Variants in KLK11 observed in about 807,000 individuals in gnomAD.
The protein encoded by KLK11 is kallikrein-11.
In KLK11, 10 loss-of-function variants were observed where a neutral mutation model predicts 23.4. The ratio of observed to expected loss-of-function variants is 0.43; its 90% CI spans 0.26 to 0.73. The LOEUF (loss-of-function observed/expected upper bound fraction) is 0.73. Among genes scored for constraint, KLK11 ranks in the 30% least tolerant of loss-of-function variants. The probability of loss-of-function intolerance (pLI) is 0.22; values close to 1 mark genes in which losing one functional copy is unlikely to be tolerated. For synonymous variants in KLK11, 131 were observed against 131.7 expected, an observed-to-expected ratio of 0.99 and a Z score of 0.03; for missense variants, 285 against 327.8, an observed-to-expected ratio of 0.87 and a Z score of 1.01.
In KLK11 at chr19:51,025,355, C is replaced by T. The variant is rs1239572925; in HGVS notation, c.40+237G>A. Among the ~76,000 whole-genome samples, 1 of 152,166 alleles carries T rather than the reference C, an allele frequency of 6.6e-6. No individual in the cohort carries two copies. The highest frequency in any genetic ancestry group is 1.5e-5 in the Non-Finnish European group (1 of 68,022). On this transcript the variant is annotated intron_variant, in intron 2 of 5. Coordinates refer to ENST00000453757, the MANE Select transcript of KLK11 (RefSeq NM_001136032.3). This position sits in a 1 kb window ranked among gnomAD's most constrained non-coding sequence, Gnocchi z 6.2. ...CTTTGAGTGACTGCTCCCCCAACTC[C>T]AGCTTCCTCAGCCCCTCCACGGGAC... is the stretch of plus-strand genomic sequence containing the variant.
upstream of KLK11, chr19:51,027,384 G>C (rs143406762): frequency 1.3e-6 from 2 of 1,486,800 alleles, no homozygotes; most frequent in Admixed American, 1.7e-5. Context: ...CTGGGGCCTC[G>C]CTCCTCTGCT....
chr19:51,023,177 T>C lies in KLK11; in HGVS notation c.515A>G (p.Gln172Arg). The change falls in exon 5 of 6, where the codon CAG becomes CGG. Residue 172 changes from glutamine to arginine, a missense_variant. Transcript: ENST00000453757. ...RCANITIIEH[Q>R]KCENAYPGNI... ...GCCGGGGTAGGCGTTCTCACACTTC[T>C]GGTGCTCAATGATGGTGATGTTGGC... is the stretch of plus-strand genomic sequence containing the variant. The C allele has an allele frequency of 6.2e-7, 1 of 1,613,804 alleles. No homozygotes were observed. The highest frequency in any genetic ancestry group is 1.1e-5 in the South Asian group (1 of 90,976).
intron 5 of KLK11, 100 bp from the exon 6 acceptor site, chr19:51,022,797 G>C: frequency 7.7e-7 from 1 of 1,304,864 alleles, no homozygotes; most frequent in Non-Finnish European, 1.1e-6. Flanking sequence ...GCCGAGACAG[G>C]ATGGGTAGGC....
rs529407010 is a variant in KLK11 at position 51,024,154 on chromosome 19, C to T, written c.354G>A (p.Ser118=). The part of the protein sequence containing the change: ...RNDIMLVKMA[S]PVSITWAVRP... ...GCACAGCCCAGGTGATGGAGACTGGCGATGCCATCTTCACCAGCATGATGT... is the reference window on the plus strand; with the variant it reads ...GCACAGCCCAGGTGATGGAGACTGGTGATGCCATCTTCACCAGCATGATGT... The change falls in exon 4 of 6, where the codon TCG becomes TCA. Residue 118 remains serine, a synonymous_variant. Coordinates refer to ENST00000453757, the MANE Select transcript of KLK11 (RefSeq NM_001136032.3). The surrounding 1 kb of genome is among the most constrained non-coding windows in gnomAD (Gnocchi z 6.2). The T allele has an allele frequency of 3.0e-5, 48 of 1,613,000 alleles. No individual in the cohort carries two copies. The highest frequency in any genetic ancestry group is 2.4e-4 in the South Asian group (22 of 90,926).
Position 51,023,851 on chromosome 19 carries a change from T to C in KLK11, c.463+194A>G, listed in dbSNP as rs568586811. On this transcript the variant is annotated intron_variant, in intron 4 of 5. Transcript: ENST00000453757. ...CAACCAGGAGGTTATGGATGTATGA[T>C]TGCATATCCCGTCCGTCTGACTCCA... The C allele has an allele frequency of 2.0e-5, 10 of 501,224 alleles. No individual in the cohort carries two copies. The East Asian group carries it at 3.1e-4, about 16-fold the overall frequency. 31.0% of individuals were successfully genotyped at this position (501,224 alleles called of 1,614,324 possible). A position where few individuals can be genotyped will look rare whatever the true frequency, so the allele number is the denominator to read the frequency against.
At chr19:51,027,324 G>A (rs2091501255), upstream of KLK11, 3 of 919,758 alleles carry the variant, frequency 3.3e-6, no homozygotes, top group South Asian at 3.0e-5. Flanking sequence ...TGGAAGCCGA[G>A]TCCAGGAAAG....
chr19:51,023,877 A>G, intron 4 of KLK11, 168 bp downstream of exon 4: 2 of 553,362 alleles, frequency 3.6e-6, no homozygotes, highest in Non-Finnish European at 6.0e-6. Flanking sequence ...TCTGACTCCA[A>G]GGCCCCAACT....
upstream of KLK11, chr19:51,027,842 C>CG (rs552122995): frequency 2.9e-4 from 93 of 321,642 alleles, no homozygotes; most frequent in African/African-American, 1.9e-3. Context: ...GAGCAGACTG[C>CG]GGGGGGGCTC....
At chr19:51,022,844 A>C (rs926354308) in intron 5 of KLK11, 147 bp from the exon 6 acceptor site, 15 of 1,000,014 alleles carry the variant, frequency 1.5e-5, no homozygotes, top group African/African-American at 3.2e-5. Context: ...TAAAGCTGGG[A>C]TTATGGGTGG....
chr19:51,024,081 G>A lies in KLK11; in HGVS notation c.427C>T (p.Leu143Phe). 2 of 1,560,294 alleles carry A rather than the reference G, an allele frequency of 1.3e-6. No homozygotes were observed. Among genetic ancestry groups the A allele is most frequent in the East Asian group, 2.3e-5 (1 of 43,966 alleles). ...GACGTGCTGCCCCAGCCGGAAATGA[G>A]GCAGCTGGTGCCAGCAGTGACACAG... ...SRCVTAGTSC[L>F]ISGWGSTSSP... The change falls in exon 4 of 6, where the codon CTC (leucine) becomes TTC (phenylalanine). Residue 143 changes from leucine to phenylalanine, a missense_variant. Leu to Phe is a conservative substitution (Grantham distance 22). Transcript: ENST00000453757. The surrounding 1 kb of genome is among the most constrained non-coding windows in gnomAD (Gnocchi z 6.2).
chr19:51,023,266 C>T, intron 4 of KLK11, 38 bp from the exon 5 acceptor site: 25 of 1,600,888 alleles, frequency 1.6e-5, no homozygotes, highest in Non-Finnish European at 2.1e-5. Context: ...GAATGAGCCC[C>T]CTGCCACCTC....
chr19:51,023,978 A>G, intron 4 of KLK11, 67 bp downstream of exon 4: 1 of 1,279,628 alleles, frequency 7.8e-7, no homozygotes, highest in South Asian at 1.6e-5. Flanking sequence ...GATGCCCTGA[A>G]CCCTTCCACA....
In KLK11 at chr19:51,024,625, C is replaced by A. The variant is rs1218385534; in HGVS notation, c.197+13G>T. On this transcript the variant is annotated intron_variant, in intron 3 of 5. Coordinates refer to ENST00000453757, the MANE Select transcript of KLK11 (RefSeq NM_001136032.3). The surrounding 1 kb of genome is among the most constrained non-coding windows in gnomAD (Gnocchi z 6.2). ...GCCCCCCACCCCGGCACCGCCCCAGCCCCCGCACCCACGGCTTGAGGCAGT... is the reference window on the plus strand; with the variant it reads ...GCCCCCCACCCCGGCACCGCCCCAGACCCCGCACCCACGGCTTGAGGCAGT... 4 of 1,525,564 alleles carry A rather than the reference C, an allele frequency of 2.6e-6. No individual in the cohort carries two copies. The East Asian group carries it at 7.3e-5, about 28-fold the overall frequency. 94.5% of individuals were successfully genotyped at this position (1,525,564 alleles called of 1,614,324 possible).
At position 51,024,073 on chromosome 19, in the gene KLK11, G is replaced by A. The variant is rs1192998042; in HGVS notation, c.435C>T (p.Ser145=). 19 of 1,554,848 alleles carry A rather than the reference G, an allele frequency of 1.2e-5. No individual in the cohort carries two copies. Among genetic ancestry groups the A allele is most frequent in the South Asian group, 3.7e-5 (3 of 80,708 alleles). Residue 145 remains serine (S), a synonymous_variant, in exon 4 of 6, where the codon TCC becomes TCT. Coordinates refer to ENST00000453757, the MANE Select transcript of KLK11 (RefSeq NM_001136032.3). The surrounding 1 kb of genome is among the most constrained non-coding windows in gnomAD (Gnocchi z 6.2). ...GGGGGCTGGACGTGCTGCCCCAGCC[G>A]GAAATGAGGCAGCTGGTGCCAGCAG... ...CVTAGTSCLI[S]GWGSTSSPQL...
chr19:51,024,507 C>T lies in KLK11; in HGVS notation c.197+131G>A. 1 of 1,264,348 alleles carries T rather than the reference C, an allele frequency of 7.9e-7. No homozygotes were observed. Among genetic ancestry groups the T allele is most frequent in the Non-Finnish European group, 1.1e-6 (1 of 936,934 alleles). The allele number at this position is 1,264,348 out of a possible 1,614,324, so 78.3% of individuals were successfully genotyped here. ...CCCACCTTCAATACCAACTCGAGCC[C>T]ATCAACCTTGCTGACACTACCCATC... On this transcript the variant is annotated intron_variant, in intron 3 of 5. Transcript: ENST00000453757. This position sits in a 1 kb window ranked among gnomAD's most constrained non-coding sequence, Gnocchi z 6.2.
At position 51,024,404 on chromosome 19, in the gene KLK11, C is replaced by T. The variant is rs1378964775; in HGVS notation, c.198-94G>A. Reference sequence around the variant, plus strand: ...CACCTTTGAGGATGAAGAAACATCGCTCTGCTTCCAACCTCTTCCACGTCT... The same window carrying T: ...CACCTTTGAGGATGAAGAAACATCGTTCTGCTTCCAACCTCTTCCACGTCT... On this transcript the variant is annotated intron_variant, in intron 3 of 5. Transcript: ENST00000453757. This position sits in a 1 kb window ranked among gnomAD's most constrained non-coding sequence, Gnocchi z 6.2. 1.3e-6 allele frequency: 2 copies of T among 1,546,740 alleles called. No homozygotes were observed. Among genetic ancestry groups the T allele is most frequent in the Non-Finnish European group, 1.7e-6 (2 of 1,145,036 alleles).
In KLK11 at chr19:51,025,401, TCTC is replaced by T. The variant is rs2091467503; in HGVS notation, c.40+188_40+190del. On this transcript the variant is annotated intron_variant, in intron 2 of 5. Coordinates refer to ENST00000453757, the MANE Select transcript of KLK11 (RefSeq NM_001136032.3). This position sits in a 1 kb window ranked among gnomAD's most constrained non-coding sequence, Gnocchi z 6.2. The stretch of plus-strand genomic sequence containing the variant: ...GGGACCCTTTACGACCCCCTTGACC[TCTC>T]CTCCTTTGGCATTTAAAGGGATTAT... Among the ~76,000 whole-genome samples, 1 of 152,020 alleles carries T rather than the reference TCTC, an allele frequency of 6.6e-6. No individual in the cohort carries two copies. Among genetic ancestry groups the T allele is most frequent in the African/African-American group, 2.4e-5 (1 of 41,370 alleles).
intron 5 of KLK11, among the ~76,000 whole-genome samples, 170 bp downstream of exon 5, chr19:51,022,922 G>T (rs189395137): frequency 6.6e-6 from 1 of 152,138 alleles, no homozygotes; most frequent in Non-Finnish European, 1.5e-5. Flanking sequence ...GTGTGGAAAC[G>T]GGGATGGAGC....
upstream of KLK11, chr19:51,027,284 C>T (rs1600158973): frequency 2.9e-5 from 19 of 658,294 alleles, no homozygotes; most frequent in Non-Finnish European, 4.2e-5. Context: ...GGGGCAGGAC[C>T]GGAGGGTGGG....
Sources: allele counts gnomAD v4.1 joint callset (sites outside exome capture counted in the v4.1 genomes callset), GRCh38; gene constraint gnomAD v4.1.1; non-coding constraint Gnocchi (gnomAD v3.1); transcripts MANE v1.5; gene names NCBI Gene and HGNC (gene_info 2026-07-23, HGNC 2026-07-21).